PDE4DIP: variants seen among roughly 807,000 people sequenced by gnomAD.
The protein encoded by PDE4DIP is myomegalin.
PDE4DIP carries 59 observed loss-of-function variants against 221.4 expected under a neutral mutation model. That is an observed-to-expected ratio of 0.27 (90% confidence interval 0.22 to 0.33). The LOEUF (loss-of-function observed/expected upper bound fraction) is 0.33, where lower values mean the gene tolerates loss of function less well. Among genes scored for constraint, PDE4DIP ranks in the 10% least tolerant of loss-of-function variants. The probability of loss-of-function intolerance (pLI) is 1.00; values close to 1 mark genes in which losing one functional copy is unlikely to be tolerated. For missense variants in PDE4DIP, 1,036 were observed against 2,154.2 expected, an observed-to-expected ratio of 0.48 and a Z score of 10.28; for synonymous variants, 404 against 815.9, an observed-to-expected ratio of 0.50 and a Z score of 8.60.
intron 23 of PDE4DIP, among the ~76,000 whole-genome samples, chr1:149,001,188 A>G (rs1412149209): frequency 6.6e-6 from 1 of 152,250 alleles, no homozygotes; most frequent in African/African-American, 2.4e-5. Context: ...AAACTGACTG[A>G]TGATAAATAA....
intron 34 of PDE4DIP, chr1:149,018,189 C>G (rs1391060216): frequency 2.6e-6 from 1 of 387,912 alleles, no homozygotes; most frequent in African/African-American, 2.0e-5. Flanking sequence ...GTCCTCCCAC[C>G]TCTACCCTCG....
chr1:149,001,569 C>A (rs1371628364), intron 23 of PDE4DIP, 22 bp from the exon 27 acceptor site: 3 of 1,099,976 alleles, frequency 2.7e-6, no homozygotes, highest in African/African-American at 1.6e-5. Context: ...ACCTAGCCCT[C>A]AATTAAGTGT....
In PDE4DIP at chr1:149,015,509, C is replaced by T. The variant is rs1411904129; in HGVS notation, c.5267-790C>T. 6.6e-5 allele frequency among the ~76,000 whole-genome samples: 10 copies of T among 152,234 alleles called. No homozygotes were observed. In the East Asian group the frequency reaches 1.2e-3, roughly 18 times the overall value. On this transcript the variant is annotated intron_variant, in intron 32 of 43. Transcript: ENST00000369354. ...AACTGTGTCTCTGCCCACCTCTTTC[C>T]TCATCTCCCCCATGCTAGGCTTCTT...
chr1:148,938,594 A>C (rs587679072), intron 5 of PDE4DIP, among the ~76,000 whole-genome samples: 3 of 152,372 alleles, frequency 2.0e-5, no homozygotes, highest in East Asian at 3.8e-4. Flanking sequence ...TAAGTTGTAA[A>C]ATACTGTGCC....
chr1:148,989,026 T>G (rs1553553552), intron 21 of PDE4DIP, among the ~76,000 whole-genome samples: 1 of 152,204 alleles, frequency 6.6e-6, no homozygotes, highest in East Asian at 1.9e-4. Context: ...AGACAGTGTT[T>G]CGTTGTGCAG....
At chr1:149,010,252 A>G (rs1553603897) in intron 30 of PDE4DIP, among the ~76,000 whole-genome samples, 191 bp from the exon 34 acceptor site, 1 of 152,096 alleles carries the variant, frequency 6.6e-6, no homozygotes, top group South Asian at 2.1e-4. Context: ...CACCGCTGTC[A>G]TCCCTAAGGT....
intron 1 of PDE4DIP, among the ~76,000 whole-genome samples, chr1:148,901,872 A>G (rs2040723652): frequency 8.2e-6 from 1 of 122,150 alleles, no homozygotes; most frequent in Non-Finnish European, 1.6e-5. Context: ...CCAGATTCTC[A>G]TCAGTCAAGT....
exon 11 of PDE4DIP, chr1:148,966,587 C>T: frequency 5.9e-6 from 9 of 1,517,748 alleles, no homozygotes; most frequent in Non-Finnish European, 8.2e-6. Flanking sequence ...CAGACAAAAC[C>T]CTTGAAGCAA....
intron 27 of PDE4DIP, among the ~76,000 whole-genome samples, chr1:149,006,088 G>T (rs373839758): frequency 4.4e-3 from 655 of 150,432 alleles, no homozygotes; most frequent in Middle Eastern, 0.028. Flanking sequence ...AGCCGAGATG[G>T]CACCACTGCA....
At chr1:148,940,785 GA>G (rs143293163) in intron 5 of PDE4DIP, among the ~76,000 whole-genome samples, 4 of 147,804 alleles carry the variant, frequency 2.7e-5, no homozygotes, top group African/African-American at 9.9e-5. Flanking sequence ...CGTCTTATGG[GA>G]AAAAAAATTG....
chr1:148,915,126 T>C (rs1553457211), intron 1 of PDE4DIP, among the ~76,000 whole-genome samples: 1 of 146,422 alleles, frequency 6.8e-6, no homozygotes, highest in Non-Finnish European at 1.5e-5. Flanking sequence ...AGTGCTTTCT[T>C]CTGGTTTTTT....
chr1:148,969,804 T>C (rs2058857136), intron 14 of PDE4DIP, among the ~76,000 whole-genome samples: 2 of 151,824 alleles, frequency 1.3e-5, no homozygotes, highest in Non-Finnish European at 2.9e-5. Context: ...CCTCCTGGGT[T>C]CAAGCAATTC....
In PDE4DIP at chr1:149,012,589, A is replaced by G; in HGVS notation, c.5081-2A>G. 6.3e-7 allele frequency: 1 copy of G among 1,582,140 alleles called. No homozygotes were observed. Among genetic ancestry groups the G allele is most frequent in the Non-Finnish European group, 8.6e-7 (1 of 1,167,786 alleles). On this transcript the variant is annotated splice_acceptor_variant, in intron 31 of 43. Coordinates refer to ENST00000369354, the Ensembl canonical transcript of PDE4DIP. LOFTEE classifies it high-confidence loss of function. ...CTTTTCTCCTTAACTTTCTTTTCCT[A>G]GGCTTTCATTTTCACTCCATACCCA... is the stretch of plus-strand genomic sequence containing the variant.
chr1:148,946,399 G>A (rs1182248026), intron 5 of PDE4DIP, among the ~76,000 whole-genome samples: 1 of 134,526 alleles, frequency 7.4e-6, no homozygotes, highest in Non-Finnish European at 1.6e-5. Context: ...AATTAGCTGG[G>A]TGTGGTGGCG....
intron 16 of PDE4DIP, among the ~76,000 whole-genome samples, chr1:148,973,332 G>A (rs1366802837): frequency 2.7e-5 from 4 of 150,854 alleles, no homozygotes; most frequent in South Asian, 4.2e-4. Context: ...GGGTTTCACC[G>A]TGTTAGCCAG....
chr1:148,990,325 C>T, intron 21 of PDE4DIP: 1 of 985,268 alleles, frequency 1.0e-6, no homozygotes, highest in African/African-American at 1.7e-5. Context: ...AAACAAAACC[C>T]CTGTGTGGCA....
chr1:148,978,502 A>ATGTTGGTC, intron 19 of PDE4DIP, 87 bp downstream of exon 22: 1 of 920,792 alleles, frequency 1.1e-6, no homozygotes, highest in Non-Finnish European at 1.6e-6. Flanking sequence ...GAGTTTCACC[A>ATGTTGGTC]TGTTGGTCAG....
Position 149,029,772 on chromosome 1 carries a change from G to T in PDE4DIP, c.6814-15G>T, listed in dbSNP as rs370336260. On this transcript the variant is annotated splice_polypyrimidine_tract_variant and intron_variant, in intron 41 of 43. Transcript: ENST00000369354. Reference sequence around the variant, plus strand: ...CCTTCTGCCTGGTCAGTAAGAGTCTGTTCCTCTTATCCAGGGAGAATCAAC... The same window carrying T: ...CCTTCTGCCTGGTCAGTAAGAGTCTTTTCCTCTTATCCAGGGAGAATCAAC... 1.5e-6 allele frequency: 2 copies of T among 1,293,928 alleles called. No homozygotes were observed. Among genetic ancestry groups the T allele is most frequent in the East Asian group, 2.3e-5 (1 of 42,642 alleles). 80.2% of individuals were successfully genotyped at this position (1,293,928 alleles called of 1,614,324 possible). A position where few individuals can be genotyped will look rare whatever the true frequency, so the allele number is the denominator to read the frequency against.
chr1:148,929,783 G>A (rs2047446609), intron 2 of PDE4DIP: 1 of 153,932 alleles, frequency 6.5e-6, no homozygotes, highest in East Asian at 1.9e-4. Context: ...ATAAATAAAA[G>A]CGTTAGTGTG....
Sources: allele counts gnomAD v4.1 joint callset (sites outside exome capture counted in the v4.1 genomes callset), GRCh38; gene constraint gnomAD v4.1.1; transcripts MANE v1.5; gene names NCBI Gene and HGNC (gene_info 2026-07-23, HGNC 2026-07-21).